The following SLC6A7 variants were observed in gnomAD, a reference collection of about 807,000 sequenced individuals.
SLC6A7 encodes the protein solute carrier family 6 member 7.
A neutral mutation model predicts 73.1 loss-of-function variants in SLC6A7; 58 were observed. The ratio of observed to expected loss-of-function variants is 0.79; its 90% confidence interval spans 0.64 to 0.99. The LOEUF (loss-of-function observed/expected upper bound fraction) is 0.99, where lower values mean the gene tolerates loss of function less well. Among genes scored for constraint, SLC6A7 ranks in the 50% least tolerant of loss-of-function variants. The pLI, the probability that SLC6A7 is intolerant of heterozygous loss-of-function variation, is 0.00. For missense variants in SLC6A7, 783 were observed against 831.4 expected (o/e 0.94, Z 0.72); for synonymous variants, 338 against 338.7 (o/e 1.00, Z 0.02).
rs1200214026 is a variant in SLC6A7 at position 150,194,764 on chromosome 5, C to G, written c.70C>G (p.Gln24Glu). 6.2e-7 allele frequency: 1 copy of G among 1,613,968 alleles called. No homozygotes were observed. The change falls in exon 2 of 14, where the codon CAG becomes GAG. Residue 24 changes from glutamine (Q) to glutamate (E), a missense_variant. Physicochemically the swap from Gln to Glu is conservative, Grantham distance 29. Transcript: ENST00000230671. ...TPDLLMTPSD[Q>E]GDVDLDVDFA... is the part of the protein sequence containing the mutation. ...AGACCTGCTGATGACCCCCAGTGAC[C>G]AGGGCGATGTCGACCTGGATGTGGA...
Position 150,198,096 on chromosome 5 carries a change from A to AAAG in SLC6A7, c.584+823_584+825dup, listed in dbSNP as rs1580858427. Among the ~76,000 whole-genome samples, 3 of 107,080 alleles carry AAAG rather than the reference A, an allele frequency of 2.8e-5. No homozygotes were observed. In the South Asian group the frequency reaches 8.8e-4, roughly 31 times the overall value. 70.2% of individuals were successfully genotyped at this position (107,080 alleles called of 152,430 possible). A position where few individuals can be genotyped will look rare whatever the true frequency, so the allele number is the denominator to read the frequency against. On this transcript the variant is annotated intron_variant, in intron 4 of 13. Transcript: ENST00000230671. ...GAAAGAAAGAAAGAAAGAAAGAAAG[A>AAAG]AAGAAAGAAAGAAAGAAAGAGAAAG...
chr5:150,204,857 T>C lies in SLC6A7; in HGVS notation c.1463T>C (p.Met488Thr), dbSNP rs763857289. The change falls in exon 12 of 14, where the codon ATG becomes ACG. Residue 488 changes from methionine (M) to threonine (T), a missense_variant. Met to Thr is a moderately conservative substitution (Grantham distance 81). Coordinates refer to ENST00000230671, the MANE Select transcript of SLC6A7 (RefSeq NM_014228.5). ...CAGAGGTTCTGCCGAGACATCCACA[T>C]GATGCTGGGCTTCAAGCCGGGCCTC... The part of the protein sequence containing the change: ...GIQRFCRDIH[M>T]MLGFKPGLYF... 1.9e-6 allele frequency: 3 copies of C among 1,612,986 alleles called. No individual in the cohort carries two copies. Among genetic ancestry groups the C allele is most frequent in the Non-Finnish European group, 2.5e-6 (3 of 1,179,376 alleles).
In SLC6A7 at chr5:150,205,489, C is replaced by G. The variant is rs1580871445; in HGVS notation, c.1567C>G (p.Pro523Ala). 6.2e-7 allele frequency: 1 copy of G among 1,612,122 alleles called. No individual in the cohort carries two copies. The highest frequency in any genetic ancestry group is 1.3e-5 in the African/African-American group (1 of 75,002). Residue 523 changes from proline to alanine, a missense_variant, in exon 13 of 14, where the codon CCC becomes GCC. Pro to Ala is a conservative substitution (Grantham distance 27). Coordinates refer to ENST00000230671, the MANE Select transcript of SLC6A7 (RefSeq NM_014228.5). ...LMVYSIVKYQ[P>A]SEYGSYRFPP... Reference sequence around the variant, plus strand: ...GGTGTATAGCATCGTCAAGTACCAGCCCTCGGAGTATGGCAGTTACCGCTT... The same window carrying G: ...GGTGTATAGCATCGTCAAGTACCAGGCCTCGGAGTATGGCAGTTACCGCTT...
intron 1 of SLC6A7, among the ~76,000 whole-genome samples, chr5:150,194,369 C>T (rs1053689544): frequency 2.7e-5 from 4 of 148,856 alleles, no homozygotes; most frequent in South Asian, 2.2e-4. Context: ...GTGGAGGTTG[C>T]GGTGTGCTGA....
Position 150,194,830 on chromosome 5 carries a change from T to G in SLC6A7, c.136T>G (p.Phe46Val), listed in dbSNP as rs1215747009. The change falls in exon 2 of 14, where the codon TTC (phenylalanine) becomes GTC (valine). Residue 46 changes from phenylalanine (F) to valine (V), a missense_variant. Transcript: ENST00000230671. ...HRGNWTGKLD[F>V]LLSCIGYCVG... ...GGGGAACTGGACAGGCAAGCTGGAC[T>G]TCCTGCTGTCCTGCATTGGCTACTG... is the stretch of plus-strand genomic sequence containing the variant. 6.2e-7 allele frequency: 1 copy of G among 1,614,152 alleles called. No individual in the cohort carries two copies. The highest frequency in any genetic ancestry group is 1.1e-5 in the South Asian group (1 of 91,084).
chr5:150,193,024 G>T (rs1354346714), intron 1 of SLC6A7, among the ~76,000 whole-genome samples: 2 of 152,194 alleles, frequency 1.3e-5, no homozygotes, highest in Admixed American at 1.3e-4. Context: ...ACTTAAGTCT[G>T]GGATCTGCTG....
intron 13 of SLC6A7, among the ~76,000 whole-genome samples, chr5:150,206,971 G>A (rs1753732379): frequency 6.6e-6 from 1 of 152,198 alleles, no homozygotes; most frequent in South Asian, 2.1e-4. Flanking sequence ...CTCGAGAGCT[G>A]TGGTGAGCAC....
chr5:150,197,089 T>A lies in SLC6A7; in HGVS notation c.397T>A (p.Tyr133Asn). 1 of 1,614,136 alleles carries A rather than the reference T, an allele frequency of 6.2e-7. No homozygotes were observed. The change falls in exon 4 of 14, where the codon TAC (tyrosine) becomes AAC (asparagine). Residue 133 changes from tyrosine to asparagine, a missense_variant. By Grantham distance (143) the Tyr-to-Asn change is moderately radical. Coordinates refer to ENST00000230671, the MANE Select transcript of SLC6A7 (RefSeq NM_014228.5). The stretch of plus-strand genomic sequence containing the variant: ...CATCGTGGGCTTGGTGGCCATCTAC[T>A]ACAACATGATCATCGCCTACGTGCT... ...LLIVGLVAIY[Y>N]NMIIAYVLFY...
intron 12 of SLC6A7, 71 bp downstream of exon 12, chr5:150,204,998 TCA>T: frequency 1.0e-6 from 1 of 996,334 alleles, no homozygotes; most frequent in Non-Finnish European, 1.6e-6. Flanking sequence ...CTCTGCACGT[TCA>T]GTCTGGTAGG....
At chr5:150,206,944 G>C (rs568874810) in intron 13 of SLC6A7, among the ~76,000 whole-genome samples, 2 of 152,306 alleles carry the variant, frequency 1.3e-5, no homozygotes, top group South Asian at 4.1e-4. Flanking sequence ...CAGGTGGAAG[G>C]GGCATGTTTT....
Position 150,197,189 on chromosome 5 carries a change from G to A in SLC6A7, c.497G>A (p.Cys166Tyr), listed in dbSNP as rs969593253. The A allele has an allele frequency of 6.2e-7, 1 of 1,613,992 alleles. No homozygotes were observed. Reference sequence around the variant, plus strand: ...GGCAACTGGTGGAACACAGAACTCTGCCTGGAGCACAGAGTCTCCAAGGAC... The same window carrying A: ...GGCAACTGGTGGAACACAGAACTCTACCTGGAGCACAGAGTCTCCAAGGAC... Reference protein sequence around the residue: ...HCGNWWNTELCLEHRVSKDGN... With the variant: ...HCGNWWNTELYLEHRVSKDGN... The change falls in exon 4 of 14, where the codon TGC becomes TAC. Residue 166 changes from cysteine to tyrosine, a missense_variant. Physicochemically the swap from Cys to Tyr is radical, Grantham distance 194. Transcript: ENST00000230671.
intron 1 of SLC6A7, 47 bp from the exon 2 acceptor site, chr5:150,194,681 C>T (rs751200636): frequency 6.8e-7 from 1 of 1,468,072 alleles, no homozygotes; most frequent in East Asian, 2.3e-5. Flanking sequence ...CATTTCTGGC[C>T]TGGCCTCAGT....
At chr5:150,194,958 A>G in intron 2 of SLC6A7, 47 bp downstream of exon 2, 1 of 1,551,570 alleles carries the variant, frequency 6.4e-7, no homozygotes, top group Non-Finnish European at 8.9e-7. Flanking sequence ...TGATGGGCCA[A>G]GGCCCTGGGG....
intron 6 of SLC6A7, 84 bp downstream of exon 6, chr5:150,201,307 AC>A: frequency 1.0e-6 from 1 of 967,822 alleles, no homozygotes; most frequent in Non-Finnish European, 1.5e-6. Context: ...ACACCGCAGT[AC>A]CAGGCACTCT....
At chr5:150,207,286 C>T (rs1037375970) in intron 13 of SLC6A7, among the ~76,000 whole-genome samples, 2 of 151,976 alleles carry the variant, frequency 1.3e-5, no homozygotes, top group East Asian at 3.9e-4. Flanking sequence ...GACAGAGTTT[C>T]ACTTTGTCAC....
intron 13 of SLC6A7, 122 bp from the exon 14 acceptor site, chr5:150,209,284 G>T: frequency 1.3e-6 from 1 of 798,436 alleles, no homozygotes; most frequent in Non-Finnish European, 2.1e-6. Flanking sequence ...TCCCCGCCAG[G>T]GGGCTGTGGC....
chr5:150,204,105 T>A, intron 10 of SLC6A7, 67 bp downstream of exon 10: 1 of 1,497,414 alleles, frequency 6.7e-7, no homozygotes, highest in Non-Finnish European at 9.1e-7. Context: ...ACGAGATCTC[T>A]GGCCCAGCTG....
intron 13 of SLC6A7, 33 bp downstream of exon 13, chr5:150,205,656 T>A (rs567869723): frequency 5.1e-6 from 8 of 1,574,842 alleles, no homozygotes; most frequent in South Asian, 4.7e-5. Flanking sequence ...CTCTCAGCCT[T>A]CCTGACCTGT....
chr5:150,198,052 A>AAAG (rs1562084809), intron 4 of SLC6A7, among the ~76,000 whole-genome samples: 4 of 35,824 alleles, frequency 1.1e-4, no homozygotes, highest in South Asian at 9.6e-4. Flanking sequence ...GAAGAAAGAG[A>AAAG]AAGAAAGAAA....
Sources: allele counts gnomAD v4.1 joint callset (sites outside exome capture counted in the v4.1 genomes callset), GRCh38; gene constraint gnomAD v4.1.1; transcripts MANE v1.5; gene names NCBI Gene and HGNC (gene_info 2026-07-23, HGNC 2026-07-21).